APOL4: variants seen among roughly 807,000 people sequenced by gnomAD.
The protein encoded by APOL4 is apolipoprotein L, 4.
Under a neutral mutation model 12.1 loss-of-function variants are expected in APOL4, and 14 were observed. The observed-to-expected ratio is 1.16, with a 90% CI of 0.76 to 1.81. The LOEUF (loss-of-function observed/expected upper bound fraction) is 1.81. Ranked by LOEUF, APOL4 falls within the 40% of genes most tolerant of loss-of-function variation. The pLI is 0.00. For missense variants in APOL4, 432 were observed against 423.1 expected, an observed-to-expected ratio of 1.02 and a Z score of -0.18; for synonymous variants, 171 against 160.6, an observed-to-expected ratio of 1.06 and a Z score of -0.49.
chr22:36,204,548 C>T, upstream of APOL4: 1 of 255,206 alleles, frequency 3.9e-6, no homozygotes, highest in Non-Finnish European at 7.5e-6. Flanking sequence ...AGCTTATCTA[C>T]AAAAGCTGAA....
intron 1 of APOL4, among the ~76,000 whole-genome samples, chr22:36,200,941 G>A (rs2014553397): frequency 6.6e-6 from 1 of 152,196 alleles, no homozygotes; most frequent in African/African-American, 2.4e-5. Context: ...CAAAGGAGAA[G>A]GAGGATTAAT....
rs1192350943 is a variant in APOL4, at chr22:36,191,031, C to T, written c.*44G>A. On this transcript the variant is annotated 3_prime_UTR_variant, in exon 4 of 4. Transcript: ENST00000683024. ...CACGTTCTTCTGCCATGGCTTCAGCCAGTCCCTCCGTTTGGGGTCCCTGAC... is the reference window on the plus strand; with the variant it reads ...CACGTTCTTCTGCCATGGCTTCAGCTAGTCCCTCCGTTTGGGGTCCCTGAC... The T allele has an allele frequency of 6.7e-7, 1 of 1,503,540 alleles. No homozygotes were observed. The highest frequency in any genetic ancestry group is 1.4e-5 in the African/African-American group (1 of 71,732). The allele number at this position is 1,503,540 out of a possible 1,614,324, so 93.1% of individuals were successfully genotyped here.
chr22:36,191,036 C>A lies in APOL4; in HGVS notation c.*39G>T. The A allele has an allele frequency of 6.6e-7, 1 of 1,520,828 alleles. No individual in the cohort carries two copies. The highest frequency in any genetic ancestry group is 1.2e-5 in the South Asian group (1 of 80,838). The allele number at this position is 1,520,828 out of a possible 1,614,324, so 94.2% of individuals were successfully genotyped here. A position where few individuals can be genotyped will look rare whatever the true frequency, so the allele number is the denominator to read the frequency against. ...TCTTCTGCCATGGCTTCAGCCAGTC[C>A]CTCCGTTTGGGGTCCCTGACTTCCC... On this transcript the variant is annotated 3_prime_UTR_variant, in exon 4 of 4. Coordinates refer to ENST00000683024, the MANE Select transcript of APOL4 (RefSeq NM_001386885.1).
chr22:36,194,929 A>G (rs2014360973), intron 3 of APOL4, among the ~76,000 whole-genome samples: 1 of 152,220 alleles, frequency 6.6e-6, no homozygotes, highest in African/African-American at 2.4e-5. Context: ...AGTTTTGTAA[A>G]AGGTAACGCT....
At chr22:36,202,744 A>G (rs12170983), upstream of APOL4, among the ~76,000 whole-genome samples, 53,358 of 151,576 alleles carry the variant, frequency 0.35, 10,838 homozygotes, top group Non-Finnish European at 0.45. Flanking sequence ...GAAAAAAAAA[A>G]AAAGAAAAAG....
In APOL4 at chr22:36,190,567, T is replaced by G. The variant is rs1329368976; in HGVS notation, c.*508A>C. ...GGGTGCATTCTCTTTCTCAGGGATG[T>G]TCCTTGCTGAGAAAAAGAATTCAGC... On this transcript the variant is annotated 3_prime_UTR_variant, in exon 4 of 4. Coordinates refer to ENST00000683024, the MANE Select transcript of APOL4 (RefSeq NM_001386885.1). 2 of 159,252 alleles carry G rather than the reference T, an allele frequency of 1.3e-5. No individual in the cohort carries two copies. The highest frequency in any genetic ancestry group is 4.8e-5 in the African/African-American group (2 of 41,488). 9.9% of individuals were successfully genotyped at this position (159,252 alleles called of 1,614,324 possible). A position where few individuals can be genotyped will look rare whatever the true frequency, so the allele number is the denominator to read the frequency against.
intron 1 of APOL4, 52 bp downstream of exon 1, chr22:36,201,648 C>G: frequency 6.6e-7 from 1 of 1,507,556 alleles, no homozygotes; most frequent in Non-Finnish European, 9.0e-7. Context: ...ACTGGGAGGA[C>G]CAGGAGAGAG....
rs145172740 is a variant in APOL4, at chr22:36,195,239, G to C, written c.209+72C>G. 38 of 1,551,256 alleles carry C rather than the reference G, an allele frequency of 2.4e-5. No individual in the cohort carries two copies. The Middle Eastern group carries it at 5.2e-4, about 21-fold the overall frequency. ...CTGCCTGGAGGAGGTGTGCCTGCCA[G>C]AGAAAACTAGCCCGGGGAGATCTGG... On this transcript the variant is annotated intron_variant, in intron 3 of 3. Coordinates refer to ENST00000683024, the MANE Select transcript of APOL4 (RefSeq NM_001386885.1).
upstream of APOL4, among the ~76,000 whole-genome samples, chr22:36,202,795 C>T (rs2014624981): frequency 6.6e-6 from 1 of 152,058 alleles, no homozygotes; most frequent in Admixed American, 6.6e-5. Context: ...AAATTACCCC[C>T]CTGATTTCAT....
chr22:36,192,263 C>A (rs1357898809), intron 3 of APOL4, among the ~76,000 whole-genome samples: 1 of 152,260 alleles, frequency 6.6e-6, no homozygotes, highest in East Asian at 1.9e-4. Context: ...TGGCATGAAT[C>A]CAGGAGGTGG....
chr22:36,195,968 C>T (rs919493742), intron 2 of APOL4, among the ~76,000 whole-genome samples: 1 of 152,202 alleles, frequency 6.6e-6, no homozygotes, highest in African/African-American at 2.4e-5. Context: ...TGAAGCCACC[C>T]AGCTTGTGGC....
chr22:36,191,313 TC>T lies in APOL4; in HGVS notation c.808del (p.Glu270ArgfsTer3). 1 of 1,614,050 alleles carries T rather than the reference TC, an allele frequency of 6.2e-7. No individual in the cohort carries two copies. The highest frequency in any genetic ancestry group is 8.5e-7 in the Non-Finnish European group (1 of 1,179,892). On this transcript the variant is annotated frameshift_variant, in exon 4 of 4. Transcript: ENST00000683024. LOFTEE classifies it low-confidence loss of function (END_TRUNC). The stretch of plus-strand genomic sequence containing the variant: ...GGGGGCCCCACGTGTTCTCAGTGTC[TC>T]AACAACATTTATAGGTACATATCGC... ...AWRYVPINVV[E>X]TLRTRGAPTR...
At chr22:36,199,294 C>A (rs764878054) in intron 2 of APOL4, 36 bp downstream of exon 2, 1 of 1,613,522 alleles carries the variant, frequency 6.2e-7, no homozygotes, top group East Asian at 2.2e-5. Flanking sequence ...GAAGAGGAGG[C>A]GAGCCTACCA....
rs917530170 is a variant in APOL4, at chr22:36,199,664, A to G, written c.36-288T>C. 16 of 1,549,654 alleles carry G rather than the reference A, an allele frequency of 1.0e-5. No homozygotes were observed. The South Asian group carries it at 1.9e-4, about 18-fold the overall frequency. On this transcript the variant is annotated intron_variant, in intron 1 of 3. Coordinates refer to ENST00000683024, the MANE Select transcript of APOL4 (RefSeq NM_001386885.1). ...GGAGGGGCAGCCATCTGATCATTAC[A>G]GAAACTACACAGTCTATACGCAGAA...
Position 36,195,291 on chromosome 22 carries a change from G to T in APOL4, c.209+20C>A. 1 of 1,611,690 alleles carries T rather than the reference G, an allele frequency of 6.2e-7. No individual in the cohort carries two copies. Among genetic ancestry groups the T allele is most frequent in the Non-Finnish European group, 8.5e-7 (1 of 1,178,708 alleles). ...TGGCATCACCGGGGTGCCCCAAGGA[G>T]GTAACCCCATGGAGGTTACCTGGGC... On this transcript the variant is annotated intron_variant, in intron 3 of 3. Coordinates refer to ENST00000683024, the MANE Select transcript of APOL4 (RefSeq NM_001386885.1).
At position 36,190,764 on chromosome 22, in the gene APOL4, T is replaced by A; in HGVS notation, c.*311A>T. 1 of 297,828 alleles carries A rather than the reference T, an allele frequency of 3.4e-6. No homozygotes were observed. Among genetic ancestry groups the A allele is most frequent in the East Asian group, 7.8e-5 (1 of 12,870 alleles). The allele number at this position is 297,828 out of a possible 1,614,324, so 18.4% of individuals were successfully genotyped here. ...TTGTTCAAACACACATGCTCTACAA[T>A]TTGTGCAGTTAACGCAATTATCACA... On this transcript the variant is annotated 3_prime_UTR_variant, in exon 4 of 4. Transcript: ENST00000683024.
chr22:36,204,811 AAC>A, upstream of APOL4: 1 of 220,956 alleles, frequency 4.5e-6, no homozygotes, highest in Non-Finnish European at 9.2e-6. Flanking sequence ...AAGCACAGCA[AAC>A]ACGCTGCTCC....
At chr22:36,198,208 A>T (rs1358513846) in intron 2 of APOL4, among the ~76,000 whole-genome samples, 2 of 152,160 alleles carry the variant, frequency 1.3e-5, no homozygotes, top group African/African-American at 2.4e-5. Flanking sequence ...TCGTTGTCAG[A>T]ATCCTGGACA....
intron 1 of APOL4, among the ~76,000 whole-genome samples, chr22:36,199,764 T>C (rs79471865): frequency 6.6e-5 from 10 of 152,228 alleles, no homozygotes; most frequent in African/African-American, 2.4e-4. Context: ...CCAGTCTGTA[T>C]TGAGTGTCTG....
Sources: allele counts gnomAD v4.1 joint callset (sites outside exome capture counted in the v4.1 genomes callset), GRCh38; gene constraint gnomAD v4.1.1; transcripts MANE v1.5; gene names NCBI Gene and HGNC (gene_info 2026-07-23, HGNC 2026-07-21).